Variants in KLC1 observed in about 807,000 individuals in gnomAD.
KLC1 encodes kinesin light chain 1, also known as kinesin 2 60/70kDa.
A neutral mutation model predicts 84.2 loss-of-function variants in KLC1; 30 were observed. The observed-to-expected ratio is 0.36, with a 90% CI of 0.27 to 0.48. The LOEUF (loss-of-function observed/expected upper bound fraction) is 0.48, where lower values mean the gene tolerates loss of function less well. Ranked by LOEUF, KLC1 falls within the 20% of genes least tolerant of loss-of-function variation. The probability of loss-of-function intolerance (pLI) is 0.99; values close to 1 mark genes in which losing one functional copy is unlikely to be tolerated. For synonymous variants in KLC1, 289 were observed against 293.3 expected (o/e 0.99, Z 0.15); for missense variants, 499 against 805.4 (o/e 0.62, Z 4.60).
intron 1 of KLC1, among the ~76,000 whole-genome samples, chr14:103,649,582 A>G (rs2078236890): frequency 6.6e-6 from 1 of 151,338 alleles, no homozygotes; most frequent in Non-Finnish European, 1.5e-5. Flanking sequence ...AAAAAAAAAA[A>G]AAGAATTTGT....
chr14:103,633,874 A>G (rs927240507), intron 1 of KLC1, among the ~76,000 whole-genome samples: 1 of 150,954 alleles, frequency 6.6e-6, no homozygotes, highest in Non-Finnish European at 1.5e-5. Flanking sequence ...TTTTTTTTTT[A>G]TTATTACTTT....
intron 15 of KLC1, chr14:103,695,893 C>G (rs527288599): frequency 1.0e-6 from 1 of 985,302 alleles, no homozygotes; most frequent in South Asian, 4.7e-5. Flanking sequence ...CCTGAGTCCC[C>G]GATGTTTGAA....
chr14:103,652,502 T>C (rs2078529520), intron 1 of KLC1, among the ~76,000 whole-genome samples: 1 of 152,112 alleles, frequency 6.6e-6, no homozygotes, highest in Non-Finnish European at 1.5e-5. Context: ...TTGTTCTTTT[T>C]TTTTTTTGAG....
intron 15 of KLC1, chr14:103,696,276 T>G: frequency 1.0e-6 from 1 of 985,330 alleles, no homozygotes; most frequent in East Asian, 1.1e-4. Context: ...GCAGCAGCAG[T>G]GTGTGGCTCA....
intron 15 of KLC1, chr14:103,699,098 GCA>G (rs1434108006): frequency 3.2e-6 from 5 of 1,566,364 alleles, no homozygotes; most frequent in East Asian, 4.8e-5. Flanking sequence ...CCTGGCACCT[GCA>G]CAGAGGTGCA....
At chr14:103,646,322 C>T (rs1433919087) in intron 1 of KLC1, among the ~76,000 whole-genome samples, 1 of 152,024 alleles carries the variant, frequency 6.6e-6, no homozygotes, top group Non-Finnish European at 1.5e-5. Context: ...TTTTCTGAGA[C>T]AGTCTTGCTT....
Position 103,701,405 on chromosome 14 carries a change from CT to C in KLC1, c.*207del. ...CTGGGGCTGGGCCTAAGCTGGTGCC[CT>C]GGTGCGGCGTGGTCTCTCCCAGGAG... On this transcript the variant is annotated 3_prime_UTR_variant, in exon 17 of 17. Coordinates refer to ENST00000334553, the MANE Select transcript of KLC1 (RefSeq NM_001394837.1). The C allele has an allele frequency of 1.9e-6, 1 of 525,540 alleles. No individual in the cohort carries two copies. Among genetic ancestry groups the C allele is most frequent in the Non-Finnish European group, 3.3e-6 (1 of 298,926 alleles). The allele number at this position is 525,540 out of a possible 1,614,324, so 32.6% of individuals were successfully genotyped here.
intron 1 of KLC1, among the ~76,000 whole-genome samples, chr14:103,640,916 T>C (rs1417826711): frequency 3.9e-5 from 6 of 152,000 alleles, no homozygotes. Context: ...TACCTTACTA[T>C]TATTATTACT....
intron 1 of KLC1, among the ~76,000 whole-genome samples, chr14:103,644,214 C>CAAA (rs376316737): frequency 1.4e-4 from 8 of 59,030 alleles, no homozygotes; most frequent in African/African-American, 1.4e-4. Flanking sequence ...GACTCTGTCT[C>CAAA]AAAAAAAAAA....
intron 1 of KLC1, among the ~76,000 whole-genome samples, chr14:103,651,383 A>G (rs1007710174): frequency 3.3e-4 from 47 of 141,002 alleles, no homozygotes; most frequent in Non-Finnish European, 6.6e-4. Flanking sequence ...ATTTCCTTCT[A>G]GTTTCTTGGT....
chr14:103,698,543 C>G (rs1299994436), intron 15 of KLC1: 2 of 545,590 alleles, frequency 3.7e-6, no homozygotes, highest in Non-Finnish European at 6.6e-6. Flanking sequence ...CAAGGGCCAG[C>G]TCAGCAGTGG....
At chr14:103,680,937 CTGTT>C (rs1174091189) in intron 13 of KLC1, among the ~76,000 whole-genome samples, 1 of 152,198 alleles carries the variant, frequency 6.6e-6, no homozygotes. Flanking sequence ...ATTCAGAGCT[CTGTT>C]ACCATCTTAA....
At chr14:103,685,318 T>TA (rs1453568409) in intron 13 of KLC1, 7 of 1,302,522 alleles carry the variant, frequency 5.4e-6, no homozygotes, top group Non-Finnish European at 6.9e-6. Context: ...TATATACAGT[T>TA]ACTTGTAAAG....
In KLC1 at chr14:103,686,167, G is replaced by A. The variant is rs1486076056; in HGVS notation, c.1651-914G>A. The A allele has an allele frequency of 1.7e-5, 17 of 988,718 alleles. No homozygotes were observed. The South Asian group carries it at 6.0e-4, about 35-fold the overall frequency. 61.2% of individuals were successfully genotyped at this position (988,718 alleles called of 1,614,324 possible). ...TCTGCTTTTCTCTACTAATCTTGAA[G>A]TGCTCAGTGATTTGTGTATTTGTGT... On this transcript the variant is annotated intron_variant, in intron 13 of 16. Transcript: ENST00000334553.
At position 103,668,500 on chromosome 14, in the gene KLC1, C is replaced by T. The variant is rs1023763885; in HGVS notation, c.798-1011C>T. 5.9e-5 allele frequency among the ~76,000 whole-genome samples: 9 copies of T among 151,868 alleles called. No homozygotes were observed. In the East Asian group the frequency reaches 1.5e-3, roughly 26 times the overall value. ...TTTTTCTTTTTTTTTTCTTTTGAGA[C>T]GGAGTCTTGCTCTGTCACCCAGGCT... On this transcript the variant is annotated intron_variant, in intron 5 of 16. Coordinates refer to ENST00000334553, the MANE Select transcript of KLC1 (RefSeq NM_001394837.1).
intron 5 of KLC1, among the ~76,000 whole-genome samples, chr14:103,665,045 C>T (rs1433076102): frequency 1.3e-5 from 2 of 151,772 alleles, no homozygotes; most frequent in South Asian, 2.1e-4. Context: ...AGTTGACCCA[C>T]GTGCGTAGAT....
At chr14:103,695,584 T>C in intron 15 of KLC1, 1 of 985,350 alleles carries the variant, frequency 1.0e-6, no homozygotes, top group Non-Finnish European at 1.2e-6. Flanking sequence ...CCAGACAGTT[T>C]CCCTTAGTGA....
chr14:103,686,157 T>C (rs777630020), intron 13 of KLC1: 10 of 989,990 alleles, frequency 1.0e-5, no homozygotes, highest in Non-Finnish European at 1.2e-5. Context: ...TTTTCTCTAC[T>C]AATCTTGAAG....
chr14:103,669,656 T>A, intron 6 of KLC1, 58 bp downstream of exon 6: 1 of 1,175,086 alleles, frequency 8.5e-7, no homozygotes. Flanking sequence ...TATATTTCTT[T>A]TATCCAACTC....
Sources: gnomAD v4.1 joint callset for allele counts (sites outside exome capture counted in the v4.1 genomes callset) on GRCh38, gnomAD v4.1.1 for gene constraint, MANE v1.5 for transcripts, NCBI Gene and HGNC (gene_info 2026-07-23, HGNC 2026-07-21) for gene names.